Variants in ERC1 observed in about 807,000 individuals in gnomAD.
ERC1 encodes the protein ELKS/RAB6-interacting/CAST family member 1.
A neutral mutation model predicts 132.0 loss-of-function variants in ERC1; 56 were observed. That is an observed-to-expected ratio of 0.42 (90% confidence interval 0.34 to 0.53). ERC1 has a LOEUF of 0.53. Among genes scored for constraint, ERC1 ranks in the 20% least tolerant of loss-of-function variants. ERC1 has a pLI of 0.03. For missense variants in ERC1, 1,202 were observed against 1,349.9 expected (o/e 0.89, Z 1.72); for synonymous variants, 478 against 476.1 (o/e 1.00, Z -0.05).
rs375402762 is a variant in ERC1 at position 1,267,003 on chromosome 12, C to T, written c.2619+3838C>T. Among the ~76,000 whole-genome samples, 11 of 152,322 alleles carry T rather than the reference C, an allele frequency of 7.2e-5. No individual in the cohort carries two copies. The East Asian group carries it at 1.9e-3, about 27-fold the overall frequency. ...ATAAGATGTAGAACCTTCCAAAGTT[C>T]GAGCAAGGAAGAACTCCCATAAGAA... On this transcript the variant is annotated intron_variant, in intron 14 of 18. Coordinates refer to ENST00000360905, the MANE Select transcript of ERC1 (RefSeq NM_178040.4).
At chr12:1,157,693 TA>T (rs1289277432) in intron 8 of ERC1, among the ~76,000 whole-genome samples, 2 of 152,244 alleles carry the variant, frequency 1.3e-5, no homozygotes, top group African/African-American at 4.8e-5. Flanking sequence ...ATGAACTTGT[TA>T]CTTTTTTTAT....
intron 18 of ERC1, among the ~76,000 whole-genome samples, chr12:1,485,277 C>G (rs10848489): frequency 6.8e-6 from 1 of 146,882 alleles, no homozygotes; most frequent in Non-Finnish European, 1.5e-5. Flanking sequence ...TGATCTTAGC[C>G]CACTGCAACC....
intron 2 of ERC1, among the ~76,000 whole-genome samples, chr12:1,048,131 C>T (rs1211130423): frequency 1.3e-5 from 2 of 152,142 alleles, no homozygotes; most frequent in Non-Finnish European, 2.9e-5. Flanking sequence ...AGTGTTGACT[C>T]GTTTGTGATG....
At chr12:1,468,329 G>A (rs977113324) in intron 18 of ERC1, among the ~76,000 whole-genome samples, 9 of 152,172 alleles carry the variant, frequency 5.9e-5, no homozygotes, top group Admixed American at 3.3e-4. Flanking sequence ...GGGGCCAGGT[G>A]CAGCGACTCA....
intron 8 of ERC1, among the ~76,000 whole-genome samples, chr12:1,146,940 A>G (rs2154252160): frequency 6.6e-6 from 1 of 152,282 alleles, no homozygotes; most frequent in South Asian, 2.1e-4. Flanking sequence ...ATGTCCTTAC[A>G]AAGGACACAA....
intron 18 of ERC1, among the ~76,000 whole-genome samples, chr12:1,489,628 C>T (rs376591771): frequency 6.6e-6 from 1 of 152,230 alleles, no homozygotes; most frequent in African/African-American, 2.4e-5. Context: ...GTAATCTCTT[C>T]AGCTAAATTA....
rs1453597709 is a variant in ERC1, at chr12:1,491,977, TACTC to T, written c.*1749_*1752del. ...GCATTTTCTCCTCTCCTTCCCCACT[TACTC>T]AGAGAATTTAAAGTCTGTAGAGTCA... is the stretch of plus-strand genomic sequence containing the variant. On this transcript the variant is annotated 3_prime_UTR_variant, in exon 19 of 19. Transcript: ENST00000360905. 3.0e-5 allele frequency: 7 copies of T among 232,672 alleles called. No homozygotes were observed. Among genetic ancestry groups the T allele is most frequent in the African/African-American group, 8.8e-5 (4 of 45,320 alleles). 14.4% of individuals were successfully genotyped at this position (232,672 alleles called of 1,614,324 possible).
intron 1 of ERC1, among the ~76,000 whole-genome samples, chr12:1,002,537 G>T (rs912636338): frequency 7.2e-5 from 11 of 152,008 alleles, no homozygotes; most frequent in Admixed American, 7.2e-4. Flanking sequence ...TGTGTATTTG[G>T]CCAGGAGTGA....
chr12:1,442,429 G>GAGT (rs2093182891), intron 17 of ERC1, among the ~76,000 whole-genome samples: 1 of 152,154 alleles, frequency 6.6e-6, no homozygotes, highest in African/African-American at 2.4e-5. Context: ...TGCTGATTAG[G>GAGT]AGTCTCTTAC....
intron 2 of ERC1, among the ~76,000 whole-genome samples, chr12:1,057,185 G>C (rs1035416972): frequency 1.3e-5 from 2 of 152,022 alleles, no homozygotes; most frequent in Admixed American, 1.3e-4. Context: ...TTGTCAGCGC[G>C]ATCTCTCGGC....
intron 6 of ERC1, among the ~76,000 whole-genome samples, chr12:1,113,150 A>T (rs1324128486): frequency 6.6e-6 from 1 of 152,216 alleles, no homozygotes; most frequent in Non-Finnish European, 1.5e-5. Flanking sequence ...CATAGGTTAT[A>T]TGCAAATTCT....
chr12:1,296,401 C>CTTTTTTTTTTTT lies in ERC1; in HGVS notation c.2780+6407_2780+6418dup, dbSNP rs57458560. On this transcript the variant is annotated intron_variant, in intron 15 of 18. Coordinates refer to ENST00000360905, the MANE Select transcript of ERC1 (RefSeq NM_178040.4). Reference sequence around the variant, plus strand: ...AGAAATGAAACATTTATTGGATAGTCTTTTTTTTTTTTTTTTTTTTTTTTT... The same window carrying CTTTTTTTTTTTT: ...AGAAATGAAACATTTATTGGATAGTCTTTTTTTTTTTTTTTTTTTTTTTTTTTTTTTTTTTTT... Among the ~76,000 whole-genome samples the CTTTTTTTTTTTT allele has an allele frequency of 1.7e-4, 13 of 76,236 alleles. 1 individual carries two copies. Among genetic ancestry groups the CTTTTTTTTTTTT allele is most frequent in the South Asian group, 5.5e-4 (1 of 1,816 alleles). The allele number at this position is 76,236 out of a possible 152,430, so 50.0% of individuals were successfully genotyped here. A position where few individuals can be genotyped will look rare whatever the true frequency, so the allele number is the denominator to read the frequency against.
At position 1,112,198 on chromosome 12, in the gene ERC1, T is replaced by C. The variant is rs1238076994; in HGVS notation, c.1318-17T>C. The C allele has an allele frequency of 6.3e-7, 1 of 1,580,292 alleles. No homozygotes were observed. Among genetic ancestry groups the C allele is most frequent in the African/African-American group, 1.3e-5 (1 of 74,246 alleles). On this transcript the variant is annotated splice_polypyrimidine_tract_variant and intron_variant, in intron 5 of 18. Transcript: ENST00000360905. ...AAGTTGACACATAAGTGAAAAAGAA[T>C]AATAATGTCGTGACAGGTAGAACAA...
intron 11 of ERC1, among the ~76,000 whole-genome samples, chr12:1,186,724 A>G (rs141730863): frequency 2.6e-5 from 4 of 152,378 alleles, no homozygotes; most frequent in African/African-American, 9.6e-5. Flanking sequence ...AAACACCTTC[A>G]TCCAGAAAAT....
intron 13 of ERC1, among the ~76,000 whole-genome samples, chr12:1,259,765 C>T (rs578210155): frequency 2.0e-5 from 3 of 152,248 alleles, no homozygotes; most frequent in Non-Finnish European, 4.4e-5. Flanking sequence ...CCTCGTGATC[C>T]ACCCGCCTTG....
intron 15 of ERC1, among the ~76,000 whole-genome samples, chr12:1,332,929 T>C (rs1245505395): frequency 6.6e-6 from 1 of 152,156 alleles, no homozygotes; most frequent in Non-Finnish European, 1.5e-5. Context: ...AGGTTTGTTA[T>C]GTAGGTAAAC....
At chr12:1,017,658 C>T (rs1015863289) in intron 1 of ERC1, among the ~76,000 whole-genome samples, 3 of 151,966 alleles carry the variant, frequency 2.0e-5, no homozygotes, top group Admixed American at 6.6e-5. Flanking sequence ...GCTATCACAC[C>T]CCGCTAATTT....
chr12:1,329,265 G>C lies in ERC1; in HGVS notation c.2780+39253G>C, dbSNP rs1479038453. ...GCCAAGATCACGCCACTGCACTTCA[G>C]CTTGGGCGACAGAGCAAGACTCTGA... On this transcript the variant is annotated intron_variant, in intron 15 of 18. Coordinates refer to ENST00000360905, the MANE Select transcript of ERC1 (RefSeq NM_178040.4). Among the ~76,000 whole-genome samples, 2 of 142,762 alleles carry C rather than the reference G, an allele frequency of 1.4e-5. 1 individual carries two copies. Among genetic ancestry groups the C allele is most frequent in the Admixed American group, 1.4e-4 (2 of 14,238 alleles). The allele number at this position is 142,762 out of a possible 152,430, so 93.7% of individuals were successfully genotyped here. A position where few individuals can be genotyped will look rare whatever the true frequency, so the allele number is the denominator to read the frequency against.
chr12:1,328,858 C>T (rs929624571), intron 15 of ERC1, among the ~76,000 whole-genome samples: 1 of 119,688 alleles, frequency 8.4e-6, no homozygotes, highest in African/African-American at 3.5e-5. Context: ...CACGGTTCTA[C>T]GTGTTAGCAG....
Sources: gnomAD v4.1 joint callset for allele counts (sites outside exome capture counted in the v4.1 genomes callset) on GRCh38, gnomAD v4.1.1 for gene constraint, MANE v1.5 for transcripts, NCBI Gene and HGNC (gene_info 2026-07-23, HGNC 2026-07-21) for gene names.